The following FCHSD2 variants were observed in gnomAD, a reference collection of about 807,000 sequenced individuals.
The protein encoded by FCHSD2 is F-BAR and double SH3 domains protein 2.
In FCHSD2, 38 loss-of-function variants were observed where a neutral mutation model predicts 108.1. The ratio of observed to expected loss-of-function variants is 0.35; its 90% CI spans 0.27 to 0.46. The LOEUF (loss-of-function observed/expected upper bound fraction) is 0.46. Among genes scored for constraint, FCHSD2 ranks in the 20% least tolerant of loss-of-function variants. The probability of loss-of-function intolerance (pLI) is 1.00; values close to 1 mark genes in which losing one functional copy is unlikely to be tolerated. For synonymous variants in FCHSD2, 279 were observed against 314.7 expected (o/e 0.89, Z 1.20); for missense variants, 751 against 897.8 (o/e 0.84, Z 2.09).
intron 2 of FCHSD2, among the ~76,000 whole-genome samples, chr11:73,099,229 C>A (rs1375779961): frequency 2.0e-5 from 3 of 152,196 alleles, no homozygotes; most frequent in African/African-American, 7.2e-5. Context: ...AATAAACACA[C>A]AATGAGGTAC....
At chr11:73,071,369 T>C (rs1859431259) in intron 3 of FCHSD2, among the ~76,000 whole-genome samples, 1 of 152,080 alleles carries the variant, frequency 6.6e-6, no homozygotes, top group South Asian at 2.1e-4. Context: ...ATCTTTTGGA[T>C]GCACCTCAGA....
chr11:72,897,276 T>C (rs1240087267), intron 10 of FCHSD2, among the ~76,000 whole-genome samples: 3 of 150,056 alleles, frequency 2.0e-5, no homozygotes, highest in Admixed American at 1.3e-4. Flanking sequence ...TCTGTATCTG[T>C]GGATTCAACC....
At chr11:72,878,523 A>AATATATAT (rs1335647776) in intron 12 of FCHSD2, among the ~76,000 whole-genome samples, 1 of 152,194 alleles carries the variant, frequency 6.6e-6, no homozygotes, top group African/African-American at 2.4e-5. Context: ...GGGCAGGAAA[A>AATATATAT]ATATAAGGTG....
intron 4 of FCHSD2, among the ~76,000 whole-genome samples, chr11:73,014,875 A>G (rs2135432163): frequency 6.6e-6 from 1 of 151,726 alleles, no homozygotes; most frequent in African/African-American, 2.4e-5. Context: ...CTGGAGTCTC[A>G]CTCTGTCGCC....
chr11:72,926,040 C>T (rs1856069389), intron 8 of FCHSD2, among the ~76,000 whole-genome samples: 1 of 152,204 alleles, frequency 6.6e-6, no homozygotes, highest in South Asian at 2.1e-4. Flanking sequence ...TCTGTTCCCG[C>T]TGCTTGGCCT....
rs191726173 is a variant in FCHSD2 at position 72,967,789 on chromosome 11, T to A, written c.705+16299A>T. ...TATGTGAATTATATCTAATTTTTTT[T>A]AAAAAGAAGTGGGCAGAGAGGCTGG... On this transcript the variant is annotated intron_variant, in intron 8 of 19. Coordinates refer to ENST00000409418, the MANE Select transcript of FCHSD2 (RefSeq NM_014824.3). Among the ~76,000 whole-genome samples the A allele has an allele frequency of 6.4e-4, 97 of 152,126 alleles. 2 individuals carry two copies. The highest frequency in any genetic ancestry group is 2.1e-3 in the African/African-American group (87 of 41,500).
chr11:73,113,353 CTTTTTTTTTTTTTT>C (rs35979371), intron 2 of FCHSD2, among the ~76,000 whole-genome samples: 2,264 of 30,086 alleles, frequency 0.075, 56 homozygotes, highest in African/African-American at 0.19. Flanking sequence ...CCAAGATGGT[CTTTTTTTTTTTTTT>C]TTTTTTTTTT....
At chr11:73,097,918 C>A (rs930784815) in intron 2 of FCHSD2, among the ~76,000 whole-genome samples, 1 of 152,172 alleles carries the variant, frequency 6.6e-6, no homozygotes, top group Non-Finnish European at 1.5e-5. Flanking sequence ...AAGCGATCCT[C>A]CTGCCTCGGC....
At chr11:73,118,954 G>C (rs1028511670) in intron 2 of FCHSD2, among the ~76,000 whole-genome samples, 10 of 152,128 alleles carry the variant, frequency 6.6e-5, no homozygotes, top group African/African-American at 2.4e-4. Context: ...AATTATTTGA[G>C]ACTCTTTTTA....
intron 3 of FCHSD2, among the ~76,000 whole-genome samples, chr11:73,035,200 A>ACG: frequency 5.4e-5 from 4 of 74,764 alleles, no homozygotes; most frequent in Non-Finnish European, 1.5e-4. Flanking sequence ...GTATGTATGT[A>ACG]TGTACGTACT....
chr11:72,982,085 T>C (rs972349143), intron 8 of FCHSD2, among the ~76,000 whole-genome samples: 4 of 152,234 alleles, frequency 2.6e-5, no homozygotes, highest in African/African-American at 7.2e-5. Flanking sequence ...CTTGTCTCTA[T>C]ATTTTCTAAC....
At chr11:73,058,752 G>A (rs181097056) in intron 3 of FCHSD2, among the ~76,000 whole-genome samples, 11 of 151,826 alleles carry the variant, frequency 7.2e-5, no homozygotes, top group African/African-American at 2.7e-4. Context: ...ATTTTTAGTC[G>A]AGATGGGGTT....
intron 12 of FCHSD2, 40 bp from the exon 13 acceptor site, chr11:72,868,066 T>C (rs1264962272): frequency 6.5e-7 from 1 of 1,532,042 alleles, no homozygotes; most frequent in Non-Finnish European, 8.8e-7. Flanking sequence ...AAGGCTTTTA[T>C]TATTCACAAT....
In FCHSD2 at chr11:73,142,232, C is replaced by G. The variant is rs1281062765; in HGVS notation, c.-355G>C. On this transcript the variant is annotated 5_prime_UTR_variant, in exon 1 of 20. Coordinates refer to ENST00000409418, the MANE Select transcript of FCHSD2 (RefSeq NM_014824.3). ...GGCGGGTTAGCCGCAGCCGCGTTGT[C>G]CGCGCTCCCGGTCGGCCGCCTGCGC... The G allele has an allele frequency of 6.3e-6, 1 of 158,678 alleles. No individual in the cohort carries two copies. Among genetic ancestry groups the G allele is most frequent in the African/African-American group, 2.4e-5 (1 of 41,416 alleles). The allele number at this position is 158,678 out of a possible 1,614,324, so 9.8% of individuals were successfully genotyped here.
intron 8 of FCHSD2, among the ~76,000 whole-genome samples, chr11:72,948,140 T>TGGG (rs1044658198): frequency 2.6e-5 from 4 of 152,160 alleles, no homozygotes; most frequent in African/African-American, 9.7e-5. Flanking sequence ...CCTGAGTAGC[T>TGGG]GGGATTACAG....
intron 3 of FCHSD2, among the ~76,000 whole-genome samples, chr11:73,057,880 C>CTT (rs775650024): frequency 1.5e-4 from 20 of 137,172 alleles, no homozygotes; most frequent in African/African-American, 3.7e-4. Flanking sequence ...ATTCGGTATT[C>CTT]TTTTTTTTTT....
intron 2 of FCHSD2, among the ~76,000 whole-genome samples, chr11:73,125,398 T>C (rs1860828878): frequency 6.6e-6 from 1 of 152,102 alleles, no homozygotes; most frequent in South Asian, 2.1e-4. Flanking sequence ...AAGTAGACAG[T>C]GATAAATTAA....
At chr11:73,003,513 G>A (rs1298370398) in intron 4 of FCHSD2, among the ~76,000 whole-genome samples, 23 of 145,992 alleles carry the variant, frequency 1.6e-4, no homozygotes, top group African/African-American at 5.0e-4. Context: ...TTGAGACGGA[G>A]TCTTGCTCTG....
At chr11:73,085,065 T>G (rs1219704946) in intron 2 of FCHSD2, among the ~76,000 whole-genome samples, 1 of 152,120 alleles carries the variant, frequency 6.6e-6, no homozygotes, top group African/African-American at 2.4e-5. Flanking sequence ...ATTTCTTATA[T>G]AAAAATATAA....
Sources: gnomAD v4.1 joint callset for allele counts (sites outside exome capture counted in the v4.1 genomes callset) on GRCh38, gnomAD v4.1.1 for gene constraint, MANE v1.5 for transcripts, NCBI Gene and HGNC (gene_info 2026-07-23, HGNC 2026-07-21) for gene names.